CFAP97D2: variants seen among roughly 807,000 people sequenced by gnomAD.
CFAP97D2 encodes the protein uncharacterized protein CFAP97D2.
rs190365774 is a variant in CFAP97D2 at position 114,213,778 on chromosome 13, A to C, written c.480+1677A>C. On this transcript the variant is annotated intron_variant, in intron 4 of 4. Coordinates refer to ENST00000646158, the Ensembl canonical transcript of CFAP97D2. Reference sequence around the variant, plus strand: ...CCCTGTGGAAGCTCCAGGACCACAGACCCCACCCCTGGACAAGCTCCAGGA... The same window carrying C: ...CCCTGTGGAAGCTCCAGGACCACAGCCCCCACCCCTGGACAAGCTCCAGGA... Among the ~76,000 whole-genome samples the C allele has an allele frequency of 4.0e-3, 559 of 138,118 alleles. 20 individuals are homozygous for C. The highest frequency in any genetic ancestry group is 0.032 in the Admixed American group (423 of 13,244). 90.6% of individuals were successfully genotyped at this position (138,118 alleles called of 152,430 possible). A position where few individuals can be genotyped will look rare whatever the true frequency, so the allele number is the denominator to read the frequency against.
rs575129962 is a variant in CFAP97D2 at position 114,211,058 on chromosome 13, A to G, written c.291-854A>G. Among the ~76,000 whole-genome samples the G allele has an allele frequency of 3.7e-4, 57 of 152,300 alleles. No individual in the cohort carries two copies. The highest frequency in any genetic ancestry group is 5.9e-4 in the Admixed American group (9 of 15,294). The stretch of plus-strand genomic sequence containing the variant: ...CAGAGGGTGATGGTGAACTTCCAGG[A>G]GGAGGCCACCAACCATCCACCATTA... On this transcript the variant is annotated intron_variant, in intron 3 of 4. Transcript: ENST00000646158. This position sits in a 1 kb window ranked among gnomAD's most constrained non-coding sequence, Gnocchi z 4.2.
intron 4 of CFAP97D2, among the ~76,000 whole-genome samples, chr13:114,218,194 C>T (rs996300251): frequency 6.6e-6 from 1 of 152,218 alleles, no homozygotes; most frequent in African/African-American, 2.4e-5. Flanking sequence ...GATACAAAAT[C>T]AATGTGCAAA....
At chr13:114,206,893 C>T (rs2080942949) in intron 3 of CFAP97D2, among the ~76,000 whole-genome samples, 1 of 152,232 alleles carries the variant, frequency 6.6e-6, no homozygotes, top group South Asian at 2.1e-4. Flanking sequence ...GGACCAGGGT[C>T]ACTGGATTCT....
chr13:114,220,773 G>A lies in CFAP97D2; in HGVS notation c.481-1725G>A, dbSNP rs80122612. Reference sequence around the variant, plus strand: ...TAAATAATCGGCTGACTCAGTGCAGGTTGACACAGGACACACAATGGATGT... The same window carrying A: ...TAAATAATCGGCTGACTCAGTGCAGATTGACACAGGACACACAATGGATGT... On this transcript the variant is annotated intron_variant, in intron 4 of 4. Transcript: ENST00000646158. Among the ~76,000 whole-genome samples the A allele has an allele frequency of 9.5e-4, 144 of 152,336 alleles. 1 individual carries two copies. The East Asian group carries it at 0.026, about 27-fold the overall frequency.
At chr13:114,192,503 G>A (rs1471495098) in intron 1 of CFAP97D2, among the ~76,000 whole-genome samples, 3 of 152,148 alleles carry the variant, frequency 2.0e-5, no homozygotes, top group East Asian at 1.9e-4. Context: ...CCAGTTATCA[G>A]ACAGTTATCT....
chr13:114,182,183 G>C (rs898077576), intron 1 of CFAP97D2, among the ~76,000 whole-genome samples: 1 of 141,800 alleles, frequency 7.1e-6, no homozygotes, highest in African/African-American at 2.7e-5. Flanking sequence ...GTGAGCAAAA[G>C]AGTCTATGTC....
At chr13:114,181,845 G>A (rs1360870852) in intron 1 of CFAP97D2, among the ~76,000 whole-genome samples, 1 of 151,630 alleles carries the variant, frequency 6.6e-6, no homozygotes, top group African/African-American at 2.4e-5. Flanking sequence ...CCCCCTCAGA[G>A]CCTGAGTGGC....
chr13:114,194,994 C>A (rs2080880724), intron 1 of CFAP97D2, among the ~76,000 whole-genome samples: 1 of 152,190 alleles, frequency 6.6e-6, no homozygotes, highest in African/African-American at 2.4e-5. Context: ...TTAGTGTCAC[C>A]TGGTATGAAA....
intron 4 of CFAP97D2, among the ~76,000 whole-genome samples, chr13:114,220,590 C>G (rs1429036351): frequency 6.6e-6 from 1 of 152,200 alleles, no homozygotes; most frequent in Non-Finnish European, 1.5e-5. Context: ...GATTATCCAA[C>G]AAAACCCACT....
chr13:114,180,399 C>T (rs1251953723), intron 1 of CFAP97D2, among the ~76,000 whole-genome samples: 3 of 152,180 alleles, frequency 2.0e-5, no homozygotes, highest in African/African-American at 4.8e-5. Flanking sequence ...CACGTCAGGC[C>T]TCTGCACCTG....
chr13:114,190,375 T>C (rs1388915562), intron 1 of CFAP97D2, among the ~76,000 whole-genome samples: 2 of 151,096 alleles, frequency 1.3e-5, no homozygotes, highest in East Asian at 3.9e-4. Flanking sequence ...TGATGGCAGA[T>C]GACATGATCA....
chr13:114,217,061 A>G, intron 4 of CFAP97D2, among the ~76,000 whole-genome samples: 1 of 152,044 alleles, frequency 6.6e-6, no homozygotes, highest in Non-Finnish European at 1.5e-5. Flanking sequence ...GCATTTTTTC[A>G]TGTGTCTGTT....
Position 114,185,663 on chromosome 13 carries a change from G to T in CFAP97D2, c.90+6243G>T, listed in dbSNP as rs2080851681. Among the ~76,000 whole-genome samples, 1 of 152,232 alleles carries T rather than the reference G, an allele frequency of 6.6e-6. No homozygotes were observed. On this transcript the variant is annotated intron_variant, in intron 1 of 4. Coordinates refer to ENST00000646158, the Ensembl canonical transcript of CFAP97D2. The surrounding 1 kb of genome is among the most constrained non-coding windows in gnomAD (Gnocchi z 5.2). ...CACTGTTGGCACCAGCTCCGATCTT[G>T]GAGAAAAGTTGGGGCCAAGCCCAGG... is the stretch of plus-strand genomic sequence containing the variant.
chr13:114,195,049 C>A (rs976104331), intron 1 of CFAP97D2, among the ~76,000 whole-genome samples: 1 of 152,166 alleles, frequency 6.6e-6, no homozygotes, highest in African/African-American at 2.4e-5. Context: ...TCCCTTCACC[C>A]CCGCCCCACA....
In CFAP97D2 at chr13:114,180,941, T is replaced by C. The variant is rs1286478882; in HGVS notation, c.90+1521T>C. 3.3e-5 allele frequency among the ~76,000 whole-genome samples: 5 copies of C among 152,318 alleles called. No individual in the cohort carries two copies. The East Asian group carries it at 9.7e-4, about 29-fold the overall frequency. Reference sequence around the variant, plus strand: ...CATGGGAGGTGCAGAGATGATTGAATAGTGAACTTTGGTAGGTTGACTGGA... The same window carrying C: ...CATGGGAGGTGCAGAGATGATTGAACAGTGAACTTTGGTAGGTTGACTGGA... On this transcript the variant is annotated intron_variant, in intron 1 of 4. Transcript: ENST00000646158.
intron 4 of CFAP97D2, among the ~76,000 whole-genome samples, chr13:114,217,047 G>A (rs936673855): frequency 1.1e-3 from 174 of 152,260 alleles, no homozygotes; most frequent in African/African-American, 3.9e-3. Flanking sequence ...GCCAGTGATG[G>A]TGAGCATTTT....
intron 1 of CFAP97D2, among the ~76,000 whole-genome samples, chr13:114,182,814 C>A (rs1251687400): frequency 6.6e-6 from 1 of 152,210 alleles, no homozygotes; most frequent in Non-Finnish European, 1.5e-5. Flanking sequence ...GGCAAAGCTA[C>A]AAATTGACAA....
At chr13:114,217,490 A>G (rs1480872075) in intron 4 of CFAP97D2, among the ~76,000 whole-genome samples, 1 of 152,238 alleles carries the variant, frequency 6.6e-6, no homozygotes, top group Admixed American at 6.5e-5. Flanking sequence ...ATTCCAATCA[A>G]TAGAAAAAGT....
In CFAP97D2 at chr13:114,211,586, A is replaced by G. The variant is rs192630073; in HGVS notation, c.291-326A>G. Among the ~76,000 whole-genome samples, 56 of 152,036 alleles carry G rather than the reference A, an allele frequency of 3.7e-4. No individual in the cohort carries two copies. Among genetic ancestry groups the G allele is most frequent in the Non-Finnish European group, 3.7e-4 (25 of 67,928 alleles). ...CCTGGGACCCCACTCTCTCCCACTCATCTTGTCCAGCATCTGCTCTGCTGA... is the reference window on the plus strand; with the variant it reads ...CCTGGGACCCCACTCTCTCCCACTCGTCTTGTCCAGCATCTGCTCTGCTGA... On this transcript the variant is annotated intron_variant, in intron 3 of 4. Transcript: ENST00000646158. The surrounding 1 kb of genome is among the most constrained non-coding windows in gnomAD (Gnocchi z 4.2).
Sources: allele counts gnomAD v4.1 joint callset (sites outside exome capture counted in the v4.1 genomes callset), GRCh38; gene constraint gnomAD v4.1.1; non-coding constraint Gnocchi (gnomAD v3.1); transcripts MANE v1.5; gene names NCBI Gene and HGNC (gene_info 2026-07-23, HGNC 2026-07-21).